The following GHR variants were observed in gnomAD, a reference collection of about 807,000 sequenced individuals.
GHR encodes the protein growth hormone receptor.
In GHR, 35 loss-of-function variants were observed where a neutral mutation model predicts 67.1. The ratio of observed to expected loss-of-function variants is 0.52; its 90% CI spans 0.40 to 0.69. The LOEUF (loss-of-function observed/expected upper bound fraction) is 0.69, where lower values mean the gene tolerates loss of function less well. Among genes scored for constraint, GHR ranks in the 30% least tolerant of loss-of-function variants. The pLI is 0.00. For synonymous variants in GHR, 272 were observed against 269.1 expected, an observed-to-expected ratio of 1.01 and a Z score of -0.10; for missense variants, 792 against 764.6, an observed-to-expected ratio of 1.04 and a Z score of -0.42.
At chr5:42,431,829 G>C (rs981102618) in intron 1 of GHR, among the ~76,000 whole-genome samples, 2 of 152,214 alleles carry the variant, frequency 1.3e-5, no homozygotes, top group African/African-American at 4.8e-5. Context: ...CAGGTGTAGA[G>C]AATTCCCTGA....
At chr5:42,679,501 T>C (rs973175675) in intron 3 of GHR, among the ~76,000 whole-genome samples, 5 of 151,972 alleles carry the variant, frequency 3.3e-5, no homozygotes, top group African/African-American at 1.2e-4. Context: ...GGCACGCACC[T>C]GTAGTCCCAG....
At chr5:42,580,091 C>T (rs183518302) in intron 2 of GHR, among the ~76,000 whole-genome samples, 3 of 152,166 alleles carry the variant, frequency 2.0e-5, no homozygotes, top group African/African-American at 7.2e-5. Context: ...TTTGACAGCT[C>T]ACTGTAAAAT....
intron 1 of GHR, among the ~76,000 whole-genome samples, chr5:42,544,185 T>A (rs1030348452): frequency 2.6e-5 from 4 of 152,226 alleles, no homozygotes; most frequent in African/African-American, 9.6e-5. Flanking sequence ...TGAGAGGGCC[T>A]TCCTTAAAAA....
intron 3 of GHR, among the ~76,000 whole-genome samples, chr5:42,683,698 TGGAAGGGAAGAAA>T (rs904411826): frequency 1.3e-5 from 2 of 151,456 alleles, no homozygotes; most frequent in African/African-American, 4.9e-5. Flanking sequence ...AAGAGGAAGG[TGGAAGGGAAGAAA>T]GGAAGGGAAA....
At chr5:42,465,565 C>T (rs1021444711) in intron 1 of GHR, 2 of 1,300,504 alleles carry the variant, frequency 1.5e-6, no homozygotes, top group African/African-American at 2.9e-5. Flanking sequence ...TTGATTGATC[C>T]AAGTCACTGC....
At chr5:42,551,430 C>T (rs1172149837) in intron 1 of GHR, among the ~76,000 whole-genome samples, 1 of 152,046 alleles carries the variant, frequency 6.6e-6, no homozygotes, top group East Asian at 1.9e-4. Flanking sequence ...TAACAGTAGC[C>T]TTGAAAGTAA....
intron 1 of GHR, chr5:42,468,175 T>G (rs569515481): frequency 1.4e-6 from 2 of 1,379,410 alleles, no homozygotes; most frequent in African/African-American, 2.8e-5. Flanking sequence ...CTGACGAAAC[T>G]CCCCTGGGGC....
intron 1 of GHR, among the ~76,000 whole-genome samples, chr5:42,518,123 C>A (rs1046914435): frequency 3.3e-5 from 5 of 149,416 alleles, no homozygotes; most frequent in African/African-American, 1.2e-4. Context: ...CTTTTGAATT[C>A]ATGATTCTAA....
intron 3 of GHR, among the ~76,000 whole-genome samples, chr5:42,655,252 C>CTTTAATATTT (rs962702811): frequency 6.6e-6 from 1 of 152,096 alleles, no homozygotes; most frequent in Non-Finnish European, 1.5e-5. Flanking sequence ...GATGCTGCTC[C>CTTTAATATTT]TTTAATATTT....
In GHR at chr5:42,629,049, A is replaced by T; in HGVS notation, c.82A>T (p.Ile28Phe). ...TCTTTCTGTTTCAGCCACAGCAGCT[A>T]TCCTTAGCAGAGCACCCTGGAGTCT... ...AFSGSEATAA[I>F]LSRAPWSLQS... The change falls in exon 3 of 10, where the codon ATC (isoleucine) becomes TTC (phenylalanine). Residue 28 changes from isoleucine (I) to phenylalanine (F), a missense_variant. Coordinates refer to ENST00000230882, the MANE Select transcript of GHR (RefSeq NM_000163.5). 1.4e-6 allele frequency: 2 copies of T among 1,400,348 alleles called. 1 individual carries two copies. Among genetic ancestry groups the T allele is most frequent in the Admixed American group, 3.6e-5 (2 of 55,974 alleles). The allele number at this position is 1,400,348 out of a possible 1,614,324, so 86.7% of individuals were successfully genotyped here. A position where few individuals can be genotyped will look rare whatever the true frequency, so the allele number is the denominator to read the frequency against.
intron 1 of GHR, among the ~76,000 whole-genome samples, chr5:42,537,468 G>A (rs958167180): frequency 6.6e-6 from 1 of 152,102 alleles, no homozygotes; most frequent in Admixed American, 6.5e-5. Flanking sequence ...GCATGGTTTT[G>A]ACGGTTCCTT....
At chr5:42,499,726 G>C (rs1746460386) in intron 1 of GHR, among the ~76,000 whole-genome samples, 1 of 152,170 alleles carries the variant, frequency 6.6e-6, no homozygotes, top group African/African-American at 2.4e-5. Context: ...TGTAATAGGG[G>C]CTGAAACTTA....
chr5:42,705,115 C>T (rs905274208), intron 6 of GHR, among the ~76,000 whole-genome samples: 1 of 152,034 alleles, frequency 6.6e-6, no homozygotes, highest in East Asian at 1.9e-4. Flanking sequence ...ATTACTAGAA[C>T]CAAAAACAAA....
Position 42,458,485 on chromosome 5 carries a change from GATTAAAAACTTAA to G in GHR, c.-12+34533_-12+34545del, listed in dbSNP as rs578155014. Among the ~76,000 whole-genome samples, 19 of 152,202 alleles carry G rather than the reference GATTAAAAACTTAA, an allele frequency of 1.2e-4. No homozygotes were observed. The South Asian group carries it at 3.9e-3, about 32-fold the overall frequency. ...CATATAAAAAAATCAACTTGAGATA[GATTAAAAACTTAA>G]ATGTAAAACCTAAAACTATAAAAAA... On this transcript the variant is annotated intron_variant, in intron 1 of 9. Coordinates refer to ENST00000230882, the MANE Select transcript of GHR (RefSeq NM_000163.5).
Position 42,663,444 on chromosome 5 carries a change from G to A in GHR, c.137-25446G>A, listed in dbSNP as rs1349000457. Among the ~76,000 whole-genome samples, 4 of 152,120 alleles carry A rather than the reference G, an allele frequency of 2.6e-5. No homozygotes were observed. The East Asian group carries it at 7.7e-4, about 29-fold the overall frequency. On this transcript the variant is annotated intron_variant, in intron 3 of 9. Coordinates refer to ENST00000230882, the MANE Select transcript of GHR (RefSeq NM_000163.5). Reference sequence around the variant, plus strand: ...GGGATGCAAGGCTGGTTCAATATTTGCAAATCAATAAATGTAATCCAGCAT... The same window carrying A: ...GGGATGCAAGGCTGGTTCAATATTTACAAATCAATAAATGTAATCCAGCAT...
chr5:42,624,486 TAACATATTTTTAA>T (rs1753603904), intron 2 of GHR, among the ~76,000 whole-genome samples: 1 of 152,232 alleles, frequency 6.6e-6, no homozygotes, highest in Admixed American at 6.5e-5. Context: ...ATCCCATGAT[TAACATATTTTTAA>T]AACCACTTTA....
chr5:42,487,680 A>G (rs1745939829), intron 1 of GHR, among the ~76,000 whole-genome samples: 1 of 152,182 alleles, frequency 6.6e-6, no homozygotes, highest in Non-Finnish European at 1.5e-5. Context: ...TTCCAAAACT[A>G]TATTTTAACC....
intron 1 of GHR, among the ~76,000 whole-genome samples, chr5:42,551,520 C>T (rs1421107908): frequency 6.6e-6 from 1 of 152,146 alleles, no homozygotes; most frequent in African/African-American, 2.4e-5. Context: ...GGAGAAGGTA[C>T]TACGTTCCAG....
intron 8 of GHR, chr5:42,714,328 G>C (rs987041008): frequency 6.6e-6 from 1 of 152,158 alleles, no homozygotes; most frequent in Non-Finnish European, 1.5e-5. Context: ...AGTCCGGTGT[G>C]CCAGGAAATC....
Sources: allele counts gnomAD v4.1 joint callset (sites outside exome capture counted in the v4.1 genomes callset), GRCh38; gene constraint gnomAD v4.1.1; transcripts MANE v1.5; gene names NCBI Gene and HGNC (gene_info 2026-07-23, HGNC 2026-07-21).